Variants in GPSM2 observed in about 807,000 individuals in gnomAD.
GPSM2 encodes the protein G protein signaling modulator 2.
A neutral mutation model predicts 78.4 loss-of-function variants in GPSM2; 58 were observed. That is an observed-to-expected ratio of 0.74 (90% CI 0.60 to 0.92). The LOEUF is 0.92. GPSM2 is among the 40% of genes least tolerant of loss of function. The pLI is 0.00. For synonymous variants in GPSM2, 224 were observed against 280.2 expected (o/e 0.80, Z 2.00); for missense variants, 700 against 815.5 (o/e 0.86, Z 1.73).
chr1:108,914,993 G>A (rs190246748), intron 11 of GPSM2, among the ~76,000 whole-genome samples: 4 of 152,138 alleles, frequency 2.6e-5, no homozygotes, highest in African/African-American at 9.6e-5. Flanking sequence ...AAAAGGGAAG[G>A]GACTTCATAA....
intron 3 of GPSM2, 130 bp from the exon 4 acceptor site, chr1:108,897,362 T>C: frequency 1.2e-6 from 1 of 841,410 alleles, no homozygotes; most frequent in South Asian, 1.6e-5. Flanking sequence ...TCAAAGCCAA[T>C]GGGTTTTTCT....
At chr1:108,910,734 G>A (rs1256815927) in intron 10 of GPSM2, among the ~76,000 whole-genome samples, 2 of 151,886 alleles carry the variant, frequency 1.3e-5, no homozygotes, top group Non-Finnish European at 2.9e-5. Flanking sequence ...GTGGTGGTGT[G>A]TGCCTGGAAT....
chr1:108,880,917 A>C (rs371200237), intron 1 of GPSM2, among the ~76,000 whole-genome samples: 12 of 152,338 alleles, frequency 7.9e-5, no homozygotes, highest in East Asian at 7.7e-4. Context: ...AAATTCGAAG[A>C]AGCACAAAAT....
At position 108,932,643 on chromosome 1, in the gene GPSM2, T is replaced by G. The variant is rs1413845288; in HGVS notation, c.*2703T>G. 1 of 152,188 alleles carries G rather than the reference T, an allele frequency of 6.6e-6. No homozygotes were observed. Among genetic ancestry groups the G allele is most frequent in the African/African-American group, 2.4e-5 (1 of 41,448 alleles). 9.4% of individuals were successfully genotyped at this position (152,188 alleles called of 1,614,324 possible). On this transcript the variant is annotated 3_prime_UTR_variant, in exon 15 of 15. Transcript: ENST00000264126. ...CTGGGGCATTCACTACTTTTCAGAG[T>G]CAGATCACAGTTCAAAAGACAGCTC...
rs1292403991 is a variant in GPSM2, at chr1:108,899,004, AT to A, written c.797+11del. The A allele has an allele frequency of 7.3e-7, 1 of 1,370,190 alleles. No individual in the cohort carries two copies. The highest frequency in any genetic ancestry group is 1.2e-5 in the South Asian group (1 of 86,138). The allele number at this position is 1,370,190 out of a possible 1,614,324, so 84.9% of individuals were successfully genotyped here. On this transcript the variant is annotated intron_variant, in intron 7 of 14. Transcript: ENST00000264126. ...CCTCGGAATACTACAAGTTAGTCTA[AT>A]ATTTCTGTAGATAAATGTAAAATGA...
At chr1:108,890,553 T>C (rs576684102) in intron 2 of GPSM2, among the ~76,000 whole-genome samples, 4 of 152,360 alleles carry the variant, frequency 2.6e-5, no homozygotes, top group South Asian at 2.1e-4. Context: ...GCTTTATCAG[T>C]GCTCTAAGAC....
intron 14 of GPSM2, 92 bp downstream of exon 14, chr1:108,924,306 T>A (rs553028448): frequency 1.2e-6 from 1 of 811,406 alleles, no homozygotes; most frequent in Admixed American, 2.0e-5. Flanking sequence ...AAGGGCTTAT[T>A]TTGTATTAGA....
At chr1:108,909,996 AAAG>A (rs1649596186) in intron 10 of GPSM2, 1 of 151,804 alleles carries the variant, frequency 6.6e-6, no homozygotes, top group Non-Finnish European at 1.5e-5. Flanking sequence ...AAAAACACTG[AAAG>A]AAGGCAAAAA....
chr1:108,904,527 T>C (rs1426411652), intron 10 of GPSM2, among the ~76,000 whole-genome samples: 2 of 150,884 alleles, frequency 1.3e-5, no homozygotes, highest in Admixed American at 1.3e-4. Context: ...GGTATTGTTC[T>C]TTTCTTTTGT....
At chr1:108,894,037 C>G (rs1209687245) in intron 2 of GPSM2, among the ~76,000 whole-genome samples, 1 of 151,770 alleles carries the variant, frequency 6.6e-6, no homozygotes, top group East Asian at 1.9e-4. Context: ...GAGTGAGACT[C>G]CATCTCAAGA....
intron 1 of GPSM2, among the ~76,000 whole-genome samples, chr1:108,881,460 A>G (rs566094205): frequency 1.3e-4 from 20 of 152,356 alleles, no homozygotes; most frequent in African/African-American, 4.6e-4. Flanking sequence ...GTCTTACACT[A>G]TATACACACA....
chr1:108,882,926 C>T (rs141742079), intron 1 of GPSM2, among the ~76,000 whole-genome samples: 5 of 152,208 alleles, frequency 3.3e-5, no homozygotes, highest in East Asian at 3.9e-4. Context: ...CTCCCTAGCC[C>T]GTGCTGTGGC....
chr1:108,918,884 C>T, intron 12 of GPSM2, 95 bp downstream of exon 12: 1 of 778,808 alleles, frequency 1.3e-6, no homozygotes, highest in Non-Finnish European at 2.2e-6. Flanking sequence ...TTAAATTAGA[C>T]ATTTAATATA....
chr1:108,906,556 C>CTT (rs34000394), intron 10 of GPSM2, among the ~76,000 whole-genome samples: 8 of 132,028 alleles, frequency 6.1e-5, no homozygotes, highest in Non-Finnish European at 1.1e-4. Context: ...AGCCAGAGTG[C>CTT]TTTTTTTTTT....
chr1:108,895,351 G>A (rs1419178121), intron 2 of GPSM2, among the ~76,000 whole-genome samples: 2 of 152,218 alleles, frequency 1.3e-5, no homozygotes, highest in Non-Finnish European at 2.9e-5. Context: ...TGATATGTAT[G>A]CCACTGGTGG....
Position 108,932,412 on chromosome 1 carries a change from T to TAAGTC in GPSM2, c.*2473_*2477dup, listed in dbSNP as rs1210949345. On this transcript the variant is annotated 3_prime_UTR_variant, in exon 15 of 15. Transcript: ENST00000264126. ...GATGTGTTCAATTTGCTTTCATATT[T>TAAGTC]AAGTCTTTCCTGAATTGCTGTCATC... is the stretch of plus-strand genomic sequence containing the variant. The TAAGTC allele has an allele frequency of 6.6e-6, 1 of 152,204 alleles. No homozygotes were observed. The allele number at this position is 152,204 out of a possible 1,614,324, so 9.4% of individuals were successfully genotyped here.
chr1:108,906,870 G>C (rs921261683), intron 10 of GPSM2, among the ~76,000 whole-genome samples: 8 of 152,106 alleles, frequency 5.3e-5, no homozygotes, highest in African/African-American at 1.9e-4. Flanking sequence ...GGAACTATAG[G>C]CACGACCTCC....
Position 108,931,643 on chromosome 1 carries a change from AGTTCT to A in GPSM2, c.*1704_*1708del. On this transcript the variant is annotated 3_prime_UTR_variant, in exon 15 of 15. Coordinates refer to ENST00000264126, the MANE Select transcript of GPSM2 (RefSeq NM_013296.5). The stretch of plus-strand genomic sequence containing the variant: ...AGTGCTCAGCTAAAAAAAAAAAAAA[AGTTCT>A]AAATTACAACCTGGATTACATTATG... 3.0e-5 allele frequency: 29 copies of A among 978,634 alleles called. No individual in the cohort carries two copies. Among genetic ancestry groups the A allele is most frequent in the Non-Finnish European group, 3.8e-5 (27 of 701,624 alleles). 60.6% of individuals were successfully genotyped at this position (978,634 alleles called of 1,614,324 possible).
chr1:108,934,429 C>G lies in GPSM2; in HGVS notation c.*4489C>G. On this transcript the variant is annotated 3_prime_UTR_variant, in exon 15 of 15. Transcript: ENST00000264126. Reference sequence around the variant, plus strand: ...TGTCATCTGTTCATCTTAAAATAAACACTTCTTACTTTATGGGATGTAAAT... The same window carrying G: ...TGTCATCTGTTCATCTTAAAATAAAGACTTCTTACTTTATGGGATGTAAAT... 1 of 486,956 alleles carries G rather than the reference C, an allele frequency of 2.1e-6. No individual in the cohort carries two copies. Among genetic ancestry groups the G allele is most frequent in the East Asian group, 3.1e-5 (1 of 31,948 alleles). 30.2% of individuals were successfully genotyped at this position (486,956 alleles called of 1,614,324 possible).
Sources: gnomAD v4.1 joint callset for allele counts (sites outside exome capture counted in the v4.1 genomes callset) on GRCh38, gnomAD v4.1.1 for gene constraint, MANE v1.5 for transcripts, NCBI Gene and HGNC (gene_info 2026-07-23, HGNC 2026-07-21) for gene names.